AGMO: variants seen among roughly 807,000 people sequenced by gnomAD.
AGMO encodes the protein alkylglycerol monooxygenase, also known as glyceryl-ether monooxygenase.
A neutral mutation model predicts 60.2 loss-of-function variants in AGMO; 75 were observed. That is an observed-to-expected ratio of 1.25 (90% CI 1.03 to 1.51). The LOEUF is 1.51. AGMO is among the 40% of genes most tolerant of loss of function. The pLI, the probability that AGMO is intolerant of heterozygous loss-of-function variation, is 0.00. For synonymous variants in AGMO, 261 were observed against 177.1 expected, an observed-to-expected ratio of 1.47 and a Z score of -3.76; for missense variants, 763 against 525.5, an observed-to-expected ratio of 1.45 and a Z score of -4.42.
intron 3 of AGMO, among the ~76,000 whole-genome samples, chr7:15,529,566 C>CTATATATATAGAATATATATTA (rs1231718700): frequency 8.6e-6 from 1 of 116,414 alleles, no homozygotes; most frequent in Non-Finnish European, 1.7e-5. Flanking sequence ...AATATATATT[C>CTATATATATAGAATATATATTA]TATATATAGA....
intron 3 of AGMO, among the ~76,000 whole-genome samples, chr7:15,537,211 T>C (rs1234114819): frequency 6.6e-6 from 1 of 152,158 alleles, no homozygotes; most frequent in Non-Finnish European, 1.5e-5. Flanking sequence ...ACTTGGTTCC[T>C]GGACTTTCAA....
chr7:15,378,221 G>C (rs1290414135), intron 10 of AGMO, among the ~76,000 whole-genome samples: 2 of 151,872 alleles, frequency 1.3e-5, no homozygotes, highest in African/African-American at 4.8e-5. Flanking sequence ...ATTATATTTG[G>C]ACAGACAGCA....
intron 2 of AGMO, among the ~76,000 whole-genome samples, chr7:15,559,011 C>T (rs959575374): frequency 1.3e-5 from 2 of 152,092 alleles, no homozygotes; most frequent in Non-Finnish European, 2.9e-5. Context: ...AATCTTTCCT[C>T]ACCCTCTGCC....
chr7:15,436,965 A>G (rs578077134), intron 3 of AGMO, among the ~76,000 whole-genome samples: 2 of 152,296 alleles, frequency 1.3e-5, no homozygotes, highest in South Asian at 4.1e-4. Context: ...TAGATTGAAA[A>G]CAATCATCCC....
chr7:15,167,605 A>C, the AGMO span, among the ~76,000 whole-genome samples: 1 of 152,206 alleles, frequency 6.6e-6, no homozygotes, highest in Non-Finnish European at 1.5e-5. Flanking sequence ...TTCTTATATC[A>C]GACTGAAAAC....
At chr7:15,367,174 C>T (rs867033392) in intron 10 of AGMO, among the ~76,000 whole-genome samples, 2 of 151,672 alleles carry the variant, frequency 1.3e-5, no homozygotes, top group Non-Finnish European at 2.9e-5. Flanking sequence ...TTGTACTTTT[C>T]TTTAGGAAAA....
chr7:15,522,345 A>C (rs889622838), intron 3 of AGMO, among the ~76,000 whole-genome samples: 1 of 152,198 alleles, frequency 6.6e-6, no homozygotes, highest in Non-Finnish European at 1.5e-5. Context: ...ATTAGAAAAA[A>C]ACTATTTTAA....
intron 3 of AGMO, among the ~76,000 whole-genome samples, chr7:15,462,802 G>GAATGATT (rs1198154730): frequency 6.6e-6 from 1 of 152,100 alleles, no homozygotes; most frequent in Non-Finnish European, 1.5e-5. Flanking sequence ...ATGAATCCAT[G>GAATGATT]CAAAATAGGG....
intron 3 of AGMO, among the ~76,000 whole-genome samples, chr7:15,527,023 C>T (rs1442817136): frequency 1.3e-5 from 2 of 152,106 alleles, no homozygotes. Context: ...CTTTCTCTCT[C>T]TCATTGTGCC....
intron 3 of AGMO, among the ~76,000 whole-genome samples, chr7:15,527,574 C>T (rs1444585602): frequency 6.6e-6 from 1 of 152,136 alleles, no homozygotes; most frequent in African/African-American, 2.4e-5. Flanking sequence ...CTGGAAGCTA[C>T]AGTAAGTTAC....
intron 12 of AGMO, among the ~76,000 whole-genome samples, chr7:15,278,831 G>A (rs1436387549): frequency 2.4e-4 from 37 of 152,106 alleles, no homozygotes; most frequent in Non-Finnish European, 7.4e-5. Flanking sequence ...ACTCTCAGAG[G>A]AACACCAGGC....
chr7:15,438,257 A>C (rs1443122679), intron 3 of AGMO, among the ~76,000 whole-genome samples: 1 of 151,762 alleles, frequency 6.6e-6, no homozygotes, highest in Non-Finnish European at 1.5e-5. Flanking sequence ...CAATATTATT[A>C]GTAATAATAA....
At chr7:15,366,478 C>T (rs911248817) in intron 10 of AGMO, among the ~76,000 whole-genome samples, 1 of 151,988 alleles carries the variant, frequency 6.6e-6, no homozygotes, top group African/African-American at 2.4e-5. Context: ...TTAAAATTAT[C>T]CTTTAAAGTT....
At chr7:15,428,424 TAAC>T (rs1781131209) in intron 4 of AGMO, among the ~76,000 whole-genome samples, 2 of 152,142 alleles carry the variant, frequency 1.3e-5, no homozygotes, top group Admixed American at 1.3e-4. Context: ...GCACATTCCC[TAAC>T]AACATGGCAT....
the AGMO span, among the ~76,000 whole-genome samples, chr7:15,188,569 G>A: frequency 2.0e-5 from 3 of 152,168 alleles, no homozygotes; most frequent in Non-Finnish European, 4.4e-5. Flanking sequence ...GATGTGGTTA[G>A]TATAATGAGA....
At chr7:15,261,283 G>A (rs1450094507) in intron 12 of AGMO, among the ~76,000 whole-genome samples, 2 of 151,834 alleles carry the variant, frequency 1.3e-5, no homozygotes, top group Non-Finnish European at 2.9e-5. Context: ...AAAGAGAGAC[G>A]ATCCAAATAA....
intron 12 of AGMO, among the ~76,000 whole-genome samples, chr7:15,205,851 C>T (rs1040339369): frequency 6.6e-6 from 1 of 151,978 alleles, no homozygotes; most frequent in Non-Finnish European, 1.5e-5. Flanking sequence ...TGGAAGAGTA[C>T]ATTTTTCTGA....
the AGMO span, among the ~76,000 whole-genome samples, chr7:15,155,461 T>C: frequency 2.3e-5 from 3 of 128,366 alleles, no homozygotes; most frequent in East Asian, 2.5e-4. Context: ...CATTCTGAAA[T>C]TCCTGTTGTG....
At chr7:15,123,138 A>G in the AGMO span, among the ~76,000 whole-genome samples, 1 of 152,012 alleles carries the variant, frequency 6.6e-6, no homozygotes, top group Non-Finnish European at 1.5e-5. Context: ...TTTCCCAAAT[A>G]TCTGCATAAT....
Sources: allele counts gnomAD v4.1 joint callset (sites outside exome capture counted in the v4.1 genomes callset), GRCh38; gene constraint gnomAD v4.1.1; transcripts MANE v1.5; gene names NCBI Gene and HGNC (gene_info 2026-07-23, HGNC 2026-07-21).